CXCL13: variants seen among roughly 807,000 people sequenced by gnomAD.
The protein encoded by CXCL13 is C-X-C motif chemokine 13.
Under a neutral mutation model 12.2 loss-of-function variants are expected in CXCL13, and 7 were observed. The ratio of observed to expected loss-of-function variants is 0.57; its 90% CI spans 0.33 to 1.07. CXCL13 has a LOEUF of 1.07. Among genes scored for constraint, CXCL13 ranks in the 50% least tolerant of loss-of-function variants. The pLI, the probability that CXCL13 is intolerant of heterozygous loss-of-function variation, is 0.04. For synonymous variants in CXCL13, 47 were observed against 42.4 expected (o/e 1.11, Z -0.42); for missense variants, 113 against 127.4 (o/e 0.89, Z 0.55).
chr4:77,527,021 A>C (rs1724783821), intron 1 of CXCL13, among the ~76,000 whole-genome samples: 2 of 152,234 alleles, frequency 1.3e-5, no homozygotes, highest in Admixed American at 1.3e-4. Context: ...TTTGGTAAAC[A>C]AGACCTCAAG....
upstream of CXCL13, among the ~76,000 whole-genome samples, chr4:77,605,051 G>A (rs981866206): frequency 2.0e-5 from 3 of 152,126 alleles, no homozygotes; most frequent in African/African-American, 7.2e-5. Flanking sequence ...ATGTCAGACT[G>A]TAATATGGGG....
At chr4:77,609,500 G>A (rs1370029963) in intron 2 of CXCL13, among the ~76,000 whole-genome samples, 1 of 151,872 alleles carries the variant, frequency 6.6e-6, no homozygotes, top group Non-Finnish European at 1.5e-5. Flanking sequence ...TATTATTTCT[G>A]TAGAGATGGG....
intron 1 of CXCL13, among the ~76,000 whole-genome samples, chr4:77,578,455 G>C (rs1488710432): frequency 2.0e-5 from 3 of 152,156 alleles, no homozygotes; most frequent in Non-Finnish European, 1.5e-5. Context: ...TTTAGGCAGG[G>C]AATGATAGAT....
intron 1 of CXCL13, among the ~76,000 whole-genome samples, chr4:77,523,471 G>A (rs985305376): frequency 2.0e-5 from 3 of 152,172 alleles, no homozygotes; most frequent in South Asian, 4.1e-4. Flanking sequence ...GATCTTCAGT[G>A]ACTGATACTC....
intron 1 of CXCL13, among the ~76,000 whole-genome samples, chr4:77,572,935 G>A (rs1271879109): frequency 1.3e-5 from 2 of 151,168 alleles, no homozygotes; most frequent in African/African-American, 4.9e-5. Flanking sequence ...TCCTTTGCAG[G>A]AACATGGATG....
chr4:77,611,162 A>C lies in CXCL13; in HGVS notation c.*123A>C. On this transcript the variant is annotated 3_prime_UTR_variant, in exon 4 of 4. Coordinates refer to ENST00000682537, the MANE Select transcript of CXCL13 (RefSeq NM_001371558.1). ...TCCCCATACAAATAAGCATGAGACT[A>C]TGTAAAAATAACCTTGCAGAAGCTG... 1 of 812,170 alleles carries C rather than the reference A, an allele frequency of 1.2e-6. No individual in the cohort carries two copies. The highest frequency in any genetic ancestry group is 2.0e-6 in the Non-Finnish European group (1 of 509,682). 50.3% of individuals were successfully genotyped at this position (812,170 alleles called of 1,614,324 possible).
intron 1 of CXCL13, among the ~76,000 whole-genome samples, chr4:77,550,967 T>C (rs1725501763): frequency 6.6e-6 from 1 of 152,260 alleles, no homozygotes; most frequent in Non-Finnish European, 1.5e-5. Flanking sequence ...TTTTTTGTTC[T>C]GTTTACATAA....
intron 1 of CXCL13, among the ~76,000 whole-genome samples, chr4:77,592,284 A>G (rs780111775): frequency 6.6e-6 from 1 of 152,234 alleles, no homozygotes; most frequent in Non-Finnish European, 1.5e-5. Flanking sequence ...ATGATTTGCA[A>G]CAACATGGAT....
At chr4:77,521,287 A>G (rs1724591290) in intron 1 of CXCL13, among the ~76,000 whole-genome samples, 2 of 152,220 alleles carry the variant, frequency 1.3e-5, no homozygotes, top group Non-Finnish European at 2.9e-5. Flanking sequence ...TTCCAGAAGG[A>G]ATGGTACCAG....
chr4:77,535,258 T>C (rs934322572), intron 1 of CXCL13, among the ~76,000 whole-genome samples: 1 of 152,242 alleles, frequency 6.6e-6, no homozygotes, highest in Non-Finnish European at 1.5e-5. Flanking sequence ...CATTCATTTA[T>C]ACTGTAAGCC....
At chr4:77,601,272 G>C (rs1726875892), upstream of CXCL13, among the ~76,000 whole-genome samples, 1 of 152,280 alleles carries the variant, frequency 6.6e-6, no homozygotes, top group Admixed American at 6.5e-5. Flanking sequence ...AAAGCAGCTC[G>C]CTCAAGATGA....
chr4:77,554,811 A>G (rs1725621816), intron 1 of CXCL13, among the ~76,000 whole-genome samples: 1 of 152,136 alleles, frequency 6.6e-6, no homozygotes, highest in African/African-American at 2.4e-5. Context: ...AAATGTTTGG[A>G]GATTAAACAT....
At position 77,548,033 on chromosome 4, in the gene CXCL13, A is replaced by T. The variant is rs180716445; in HGVS notation, c.-43+36245A>T. 2.2e-3 allele frequency among the ~76,000 whole-genome samples: 334 copies of T among 151,856 alleles called. 2 individuals are homozygous for T. The highest frequency in any genetic ancestry group is 7.4e-3 in the African/African-American group (307 of 41,476). On this transcript the variant is annotated intron_variant, in intron 1 of 4. Coordinates refer to the CXCL13 transcript ENST00000286758. ...ATATGAAATTCTGGGTTGAAAAAAAATTTTTTTTAAGGACTAGAATAGTGT... is the reference window on the plus strand; with the variant it reads ...ATATGAAATTCTGGGTTGAAAAAAATTTTTTTTTAAGGACTAGAATAGTGT...
chr4:77,554,627 A>G (rs1407560455), intron 1 of CXCL13, among the ~76,000 whole-genome samples: 5 of 152,166 alleles, frequency 3.3e-5, no homozygotes, highest in African/African-American at 9.6e-5. Context: ...AGGATGCTCC[A>G]TGGAACAACA....
intron 3 of CXCL13, 116 bp from the exon 4 acceptor site, chr4:77,610,872 A>T (rs758095109): frequency 3.0e-5 from 30 of 997,692 alleles, no homozygotes; most frequent in Non-Finnish European, 4.4e-5. Context: ...GCAGCTCAGT[A>T]AACCAAACTA....
chr4:77,520,089 C>T (rs1228830636), intron 1 of CXCL13, among the ~76,000 whole-genome samples: 1 of 152,146 alleles, frequency 6.6e-6, no homozygotes, highest in Admixed American at 6.5e-5. Flanking sequence ...TGTTTTGGTA[C>T]CAGTACCATG....
rs1281356587 is a variant in CXCL13 at position 77,520,277 on chromosome 4, T to A, written c.-43+8489T>A. ...AAAGTCATTGGTAGCTTGATGGGGA[T>A]GGCATTGAACCTATAAATTACCTTG... On this transcript the variant is annotated intron_variant, in intron 1 of 4. Coordinates refer to the CXCL13 transcript ENST00000286758. Among the ~76,000 whole-genome samples the A allele has an allele frequency of 3.3e-5, 5 of 152,348 alleles. No homozygotes were observed. In the East Asian group the frequency reaches 9.6e-4, roughly 29 times the overall value.
chr4:77,532,719 A>T (rs1724960253), intron 1 of CXCL13, among the ~76,000 whole-genome samples: 2 of 152,096 alleles, frequency 1.3e-5, no homozygotes, highest in Non-Finnish European at 1.5e-5. Context: ...ACGTAGTCCC[A>T]TATTTCTTGG....
chr4:77,544,551 G>A (rs1468155692), intron 1 of CXCL13, among the ~76,000 whole-genome samples: 1 of 152,194 alleles, frequency 6.6e-6, no homozygotes, highest in African/African-American at 2.4e-5. Flanking sequence ...GTTCTTCTGA[G>A]AAGTGTCTGT....
Sources: gnomAD v4.1 joint callset for allele counts (sites outside exome capture counted in the v4.1 genomes callset) on GRCh38, gnomAD v4.1.1 for gene constraint, MANE v1.5 for transcripts, NCBI Gene and HGNC (gene_info 2026-07-23, HGNC 2026-07-21) for gene names.